ZBTB8A: variants seen among roughly 807,000 people sequenced by gnomAD.
ZBTB8A encodes the protein zinc finger and BTB domain-containing protein 8A.
ZBTB8A carries 19 observed loss-of-function variants against 37.8 expected under a neutral mutation model. The observed-to-expected ratio is 0.50, with a 90% confidence interval of 0.35 to 0.74. The LOEUF is 0.74. Among genes scored for constraint, ZBTB8A ranks in the 30% least tolerant of loss-of-function variants. The pLI is 0.01. For synonymous variants in ZBTB8A, 181 were observed against 185.2 expected (o/e 0.98, Z 0.19); for missense variants, 394 against 537.8 (o/e 0.73, Z 2.65).
At chr1:32,568,151 G>GA (rs1644297977) in intron 2 of ZBTB8A, among the ~76,000 whole-genome samples, 1 of 151,802 alleles carries the variant, frequency 6.6e-6, no homozygotes, top group African/African-American at 2.4e-5. Flanking sequence ...TCTGTCTAGA[G>GA]AAAAAATTAA....
At chr1:32,566,243 G>A (rs1294933283) in intron 2 of ZBTB8A, among the ~76,000 whole-genome samples, 1 of 149,692 alleles carries the variant, frequency 6.7e-6, no homozygotes, top group Non-Finnish European at 1.5e-5. Flanking sequence ...GCTGGGCGCA[G>A]TGGCTCATGC....
chr1:32,554,680 T>C (rs1644186449), intron 2 of ZBTB8A, among the ~76,000 whole-genome samples: 2 of 151,964 alleles, frequency 1.3e-5, no homozygotes, highest in Non-Finnish European at 2.9e-5. Flanking sequence ...GGTTTCACCA[T>C]GTTGGTCAGG....
rs1380343800 is a variant in ZBTB8A, at chr1:32,554,459, CTTTT to C, written c.-2+920_-2+923del. ...ATACATATTTGAACTACATTTTAAT[CTTTT>C]ATTTATTTATTTATTTATTTATTTA... On this transcript the variant is annotated intron_variant, in intron 2 of 4. Transcript: ENST00000373510. Among the ~76,000 whole-genome samples the C allele has an allele frequency of 1.6e-4, 23 of 139,626 alleles. 1 individual carries two copies. The highest frequency in any genetic ancestry group is 4.5e-4 in the South Asian group (2 of 4,482). 91.6% of individuals were successfully genotyped at this position (139,626 alleles called of 152,430 possible).
At chr1:32,548,300 A>G (rs1403597820) in intron 1 of ZBTB8A, among the ~76,000 whole-genome samples, 8 of 151,780 alleles carry the variant, frequency 5.3e-5, no homozygotes, top group Admixed American at 2.0e-4. Flanking sequence ...CAGTCAAAAA[A>G]CATTTTTTTT....
chr1:32,554,807 C>T (rs770981077), intron 2 of ZBTB8A, among the ~76,000 whole-genome samples: 7 of 152,212 alleles, frequency 4.6e-5, no homozygotes, highest in Non-Finnish European at 8.8e-5. Flanking sequence ...GGGATCCAGG[C>T]AATTGTATGG....
chr1:32,561,309 A>T (rs1644242661), intron 2 of ZBTB8A, among the ~76,000 whole-genome samples: 1 of 151,962 alleles, frequency 6.6e-6, no homozygotes, highest in African/African-American at 2.4e-5. Context: ...TCAAGCATCT[A>T]CCCTAGCATC....
intron 2 of ZBTB8A, among the ~76,000 whole-genome samples, chr1:32,571,932 C>A (rs941054197): frequency 6.6e-6 from 1 of 151,862 alleles, no homozygotes; most frequent in African/African-American, 2.4e-5. Flanking sequence ...GAGACGGAAT[C>A]TCATTCTGTC....
At chr1:32,588,325 G>A (rs1315913007) in intron 2 of ZBTB8A, among the ~76,000 whole-genome samples, 2 of 151,998 alleles carry the variant, frequency 1.3e-5, no homozygotes, top group African/African-American at 2.4e-5. Context: ...ACATAGTATT[G>A]GAATTGAATT....
chr1:32,573,873 G>A (rs1433874791), intron 2 of ZBTB8A, among the ~76,000 whole-genome samples: 16 of 150,324 alleles, frequency 1.1e-4, no homozygotes, highest in Non-Finnish European at 1.9e-4. Flanking sequence ...TCGGGAGTTC[G>A]AGACTAACCT....
At chr1:32,561,857 A>C (rs1051486514) in intron 2 of ZBTB8A, among the ~76,000 whole-genome samples, 1 of 152,194 alleles carries the variant, frequency 6.6e-6, no homozygotes, top group African/African-American at 2.4e-5. Context: ...ACTTCAGCAT[A>C]TAATTTTGGG....
chr1:32,589,290 G>A (rs1024372799), intron 2 of ZBTB8A, among the ~76,000 whole-genome samples: 1 of 151,964 alleles, frequency 6.6e-6, no homozygotes, highest in African/African-American at 2.4e-5. Context: ...TTGCTCTGTC[G>A]CCTAGGCTGG....
chr1:32,581,929 G>C (rs534244925), intron 2 of ZBTB8A, among the ~76,000 whole-genome samples: 75 of 152,164 alleles, frequency 4.9e-4, no homozygotes, highest in African/African-American at 1.8e-3. Flanking sequence ...GAATAGCATG[G>C]GCGGAGCTGC....
At chr1:32,572,194 T>C (rs1314314917) in intron 2 of ZBTB8A, among the ~76,000 whole-genome samples, 1 of 152,176 alleles carries the variant, frequency 6.6e-6, no homozygotes, top group East Asian at 1.9e-4. Context: ...GTTTTTCTCC[T>C]TGTCTATTTT....
At chr1:32,584,090 GACAC>G (rs1178494121) in intron 2 of ZBTB8A, among the ~76,000 whole-genome samples, 1 of 152,004 alleles carries the variant, frequency 6.6e-6, no homozygotes, top group Non-Finnish European at 1.5e-5. Context: ...AAGATACAGA[GACAC>G]ACACGCAGGG....
intron 2 of ZBTB8A, among the ~76,000 whole-genome samples, chr1:32,565,657 A>T (rs55849423): frequency 0.11 from 17,366 of 152,010 alleles, 1,096 homozygotes; most frequent in African/African-American, 0.18. Flanking sequence ...TCTTTAAAAA[A>T]TTTTTTTTAA....
At chr1:32,540,473 T>G (rs572848783) in intron 1 of ZBTB8A, among the ~76,000 whole-genome samples, 41 of 152,262 alleles carry the variant, frequency 2.7e-4, no homozygotes, top group African/African-American at 8.7e-4. Context: ...AACAACCACC[T>G]AGTCAGGCTG....
chr1:32,575,629 G>T (rs1427163007), intron 2 of ZBTB8A, among the ~76,000 whole-genome samples: 3 of 151,330 alleles, frequency 2.0e-5, no homozygotes, highest in African/African-American at 7.3e-5. Flanking sequence ...TGGGAGGATC[G>T]CTTAGGGCCG....
intron 4 of ZBTB8A, among the ~76,000 whole-genome samples, chr1:32,596,596 A>C (rs1199775053): frequency 8.5e-6 from 1 of 117,394 alleles, no homozygotes; most frequent in Non-Finnish European, 1.8e-5. Flanking sequence ...AAAAACAAAC[A>C]AAAAAAATAC....
At chr1:32,582,258 A>G (rs1644412540) in intron 2 of ZBTB8A, among the ~76,000 whole-genome samples, 4 of 152,252 alleles carry the variant, frequency 2.6e-5, no homozygotes, top group African/African-American at 7.2e-5. Flanking sequence ...GGATTTTCCA[A>G]TTAGGGATGC....
Sources: gnomAD v4.1 joint callset for allele counts (sites outside exome capture counted in the v4.1 genomes callset) on GRCh38, gnomAD v4.1.1 for gene constraint, MANE v1.5 for transcripts, NCBI Gene and HGNC (gene_info 2026-07-23, HGNC 2026-07-21) for gene names.